Variants in PTPRD observed in about 807,000 individuals in gnomAD.
The protein encoded by PTPRD is receptor-type tyrosine-protein phosphatase delta.
In PTPRD, 34 loss-of-function variants were observed where a neutral mutation model predicts 214.5. The ratio of observed to expected loss-of-function variants is 0.16; its 90% confidence interval spans 0.12 to 0.21. The LOEUF is 0.21. PTPRD is among the 10% of genes least tolerant of loss of function. The pLI is 1.00. For synonymous variants in PTPRD, 1,128 were observed against 845.7 expected (o/e 1.33, Z -5.79); for missense variants, 2,545 against 2,398.7 (o/e 1.06, Z -1.27).
intron 9 of PTPRD, among the ~76,000 whole-genome samples, chr9:9,286,541 A>G (rs780187331): frequency 4.4e-4 from 66 of 151,688 alleles, no homozygotes; most frequent in Non-Finnish European, 4.3e-4. Flanking sequence ...TTTGATGAGC[A>G]TACGTTTTTC....
At position 10,039,375 on chromosome 9, in the gene PTPRD, A is replaced by G. The variant is rs966867193; in HGVS notation, c.-544-5585T>C. Among the ~76,000 whole-genome samples, 6 of 152,158 alleles carry G rather than the reference A, an allele frequency of 3.9e-5. 1 individual carries two copies. Among genetic ancestry groups the G allele is most frequent in the African/African-American group, 1.4e-4 (6 of 41,568 alleles). The stretch of plus-strand genomic sequence containing the variant: ...AATTATTTGAATGCTATGTCAAAAT[A>G]AAGTTTTGAGGAAAAAGGACCTATA... On this transcript the variant is annotated intron_variant, in intron 3 of 45. Coordinates refer to ENST00000381196, the MANE Select transcript of PTPRD (RefSeq NM_002839.4).
At chr9:8,503,302 G>A (rs371146040) in intron 23 of PTPRD, among the ~76,000 whole-genome samples, 45 of 152,180 alleles carry the variant, frequency 3.0e-4, no homozygotes, top group African/African-American at 1.0e-3. Flanking sequence ...GAGGTTAACA[G>A]AGCATCTTCT....
At chr9:9,060,463 C>G (rs910759168) in intron 10 of PTPRD, among the ~76,000 whole-genome samples, 3 of 151,580 alleles carry the variant, frequency 2.0e-5, no homozygotes, top group Non-Finnish European at 2.9e-5. Flanking sequence ...GCAATAGACA[C>G]AAAATACATT....
chr9:9,670,488 G>A (rs1223105616), intron 7 of PTPRD, among the ~76,000 whole-genome samples: 1 of 152,172 alleles, frequency 6.6e-6, no homozygotes, highest in East Asian at 1.9e-4. Flanking sequence ...GGAACCAAAT[G>A]TTAATCCCCA....
At chr9:9,669,508 C>T (rs1317275424) in intron 7 of PTPRD, among the ~76,000 whole-genome samples, 2 of 152,118 alleles carry the variant, frequency 1.3e-5, no homozygotes, top group Admixed American at 1.3e-4. Flanking sequence ...TAAAGTACCA[C>T]ATTAAACACA....
intron 2 of PTPRD, among the ~76,000 whole-genome samples, chr9:10,479,579 C>G (rs563098132): frequency 2.0e-5 from 3 of 151,198 alleles, no homozygotes; most frequent in Non-Finnish European, 4.4e-5. Flanking sequence ...TAACCAAGAC[C>G]AAGCTAGCCT....
At chr9:8,323,545 T>A (rs1015331695) in intron 44 of PTPRD, among the ~76,000 whole-genome samples, 3 of 152,172 alleles carry the variant, frequency 2.0e-5, no homozygotes. Context: ...GATTCCAATC[T>A]TCATGGATGA....
At chr9:9,033,419 C>T (rs189386863) in intron 10 of PTPRD, among the ~76,000 whole-genome samples, 1 of 152,184 alleles carries the variant, frequency 6.6e-6, no homozygotes, top group African/African-American at 2.4e-5. Context: ...TCAGAGCTTT[C>T]CAATCATTCC....
In PTPRD at chr9:9,138,142, C is replaced by CT. The variant is rs199582208; in HGVS notation, c.-143+45161dup. On this transcript the variant is annotated intron_variant, in intron 10 of 45. Transcript: ENST00000381196. ...CCTGTTAAATCAAAGGCAAAGAAATCTTTTTTTTTTCTTCTGGAAACACTG... is the reference window on the plus strand; with the variant it reads ...CCTGTTAAATCAAAGGCAAAGAAATCTTTTTTTTTTTCTTCTGGAAACACTG... 2.7e-3 allele frequency among the ~76,000 whole-genome samples: 399 copies of CT among 149,752 alleles called. 2 individuals are homozygous for CT. The highest frequency in any genetic ancestry group is 8.2e-3 in the East Asian group (42 of 5,124).
chr9:9,721,568 C>T (rs2097947045), intron 7 of PTPRD, among the ~76,000 whole-genome samples: 1 of 152,078 alleles, frequency 6.6e-6, no homozygotes, highest in South Asian at 2.1e-4. Flanking sequence ...ATAGGAAAAG[C>T]CCGCATTTTG....
At chr9:9,072,899 G>A (rs919845041) in intron 10 of PTPRD, among the ~76,000 whole-genome samples, 4 of 152,224 alleles carry the variant, frequency 2.6e-5, no homozygotes, top group African/African-American at 9.6e-5. Context: ...TGGAAAACAG[G>A]ATATAAGACA....
chr9:8,934,483 A>G (rs1220710826), intron 11 of PTPRD, among the ~76,000 whole-genome samples: 1 of 9,532 alleles, frequency 1.0e-4, no homozygotes, highest in Admixed American at 1.7e-3. Context: ...ATATAAATAT[A>G]TATATATATA....
At chr9:9,909,282 T>C (rs1364079095) in intron 5 of PTPRD, among the ~76,000 whole-genome samples, 1 of 151,706 alleles carries the variant, frequency 6.6e-6, no homozygotes, top group Non-Finnish European at 1.5e-5. Flanking sequence ...AGCATGCTGA[T>C]GAATGGGATT....
At chr9:8,388,326 C>T (rs1301940715) in intron 37 of PTPRD, among the ~76,000 whole-genome samples, 1 of 152,120 alleles carries the variant, frequency 6.6e-6, no homozygotes, top group Non-Finnish European at 1.5e-5. Context: ...TCTAAATATC[C>T]TTTTTGAGAC....
intron 9 of PTPRD, among the ~76,000 whole-genome samples, chr9:9,233,449 C>T (rs1469855769): frequency 6.6e-6 from 1 of 152,128 alleles, no homozygotes; most frequent in South Asian, 2.1e-4. Flanking sequence ...ATCATTCTGC[C>T]CCGGGCCACT....
intron 2 of PTPRD, among the ~76,000 whole-genome samples, chr9:10,373,411 T>C (rs1363091160): frequency 6.6e-6 from 1 of 152,074 alleles, no homozygotes; most frequent in Non-Finnish European, 1.5e-5. Flanking sequence ...ATTTTGTATT[T>C]GAATACAACT....
chr9:8,676,971 T>C (rs1422433308), intron 12 of PTPRD, among the ~76,000 whole-genome samples: 3 of 152,152 alleles, frequency 2.0e-5, no homozygotes, highest in Non-Finnish European at 4.4e-5. Context: ...CTGAATGAAA[T>C]GAACGAATAA....
At chr9:9,319,325 G>C (rs1965176555) in intron 9 of PTPRD, among the ~76,000 whole-genome samples, 1 of 152,104 alleles carries the variant, frequency 6.6e-6, no homozygotes, top group Non-Finnish European at 1.5e-5. Context: ...ATCAAGTGAG[G>C]GGTTGAATGT....
intron 9 of PTPRD, among the ~76,000 whole-genome samples, chr9:9,215,876 C>G (rs1186057892): frequency 1.3e-5 from 2 of 152,292 alleles, no homozygotes; most frequent in South Asian, 4.1e-4. Flanking sequence ...ATGGAGTCAA[C>G]AGTCTGGTGG....
Sources: allele counts gnomAD v4.1 joint callset (sites outside exome capture counted in the v4.1 genomes callset), GRCh38; gene constraint gnomAD v4.1.1; transcripts MANE v1.5; gene names NCBI Gene and HGNC (gene_info 2026-07-23, HGNC 2026-07-21).